Variants in GRID1 observed in about 807,000 individuals in gnomAD.
The protein encoded by GRID1 is glutamate ionotropic receptor delta type subunit 1.
In GRID1, 28 loss-of-function variants were observed where a neutral mutation model predicts 98.0. The observed-to-expected ratio is 0.29, with a 90% confidence interval of 0.21 to 0.39. GRID1 has a LOEUF of 0.39. Ranked by LOEUF, GRID1 falls within the 10% of genes least tolerant of loss-of-function variation. GRID1 has a pLI of 1.00. For missense variants in GRID1, 1,111 were observed against 1,340.5 expected (o/e 0.83, Z 2.67); for synonymous variants, 553 against 538.5 (o/e 1.03, Z -0.37).
At chr10:86,243,663 G>A (rs1846673142) in intron 2 of GRID1, among the ~76,000 whole-genome samples, 1 of 152,128 alleles carries the variant, frequency 6.6e-6, no homozygotes, top group African/African-American at 2.4e-5. Context: ...AAAATAGTCT[G>A]AGTGAGGGAT....
intron 13 of GRID1, among the ~76,000 whole-genome samples, chr10:85,639,966 C>A (rs549349224): frequency 1.3e-5 from 2 of 152,176 alleles, no homozygotes; most frequent in Admixed American, 1.3e-4. Context: ...GTGCTACAAT[C>A]GACACTGGAT....
At chr10:85,858,675 T>C (rs984992697) in intron 6 of GRID1, among the ~76,000 whole-genome samples, 2 of 152,154 alleles carry the variant, frequency 1.3e-5, no homozygotes, top group African/African-American at 2.4e-5. Flanking sequence ...AAGCTGAGAA[T>C]CCTTAACGAT....
intron 3 of GRID1, among the ~76,000 whole-genome samples, chr10:86,172,182 C>T (rs558118830): frequency 6.6e-6 from 1 of 152,296 alleles, no homozygotes; most frequent in African/African-American, 2.4e-5. Flanking sequence ...CCCACCCTAG[C>T]CCCTGGCAGC....
chr10:85,843,946 A>T (rs924088892), intron 8 of GRID1, among the ~76,000 whole-genome samples: 2 of 152,102 alleles, frequency 1.3e-5, no homozygotes, highest in Admixed American at 6.6e-5. Context: ...CATTTATCCC[A>T]GAAAACCTGT....
At chr10:85,692,071 G>T (rs1841339802) in intron 12 of GRID1, among the ~76,000 whole-genome samples, 2 of 152,090 alleles carry the variant, frequency 1.3e-5, no homozygotes, top group Non-Finnish European at 2.9e-5. Flanking sequence ...CTCCATTTAT[G>T]CAGCTTTCTC....
chr10:85,800,175 TAA>T (rs1842562920), intron 8 of GRID1, among the ~76,000 whole-genome samples: 1 of 151,400 alleles, frequency 6.6e-6, no homozygotes, highest in Non-Finnish European at 1.5e-5. Context: ...AAAAAAACTC[TAA>T]AACTCTATTA....
chr10:86,134,641 C>G (rs1301103406), intron 4 of GRID1, among the ~76,000 whole-genome samples: 1 of 152,172 alleles, frequency 6.6e-6, no homozygotes, highest in East Asian at 1.9e-4. Context: ...CCACTCCCTC[C>G]CCTGCACACC....
intron 5 of GRID1, among the ~76,000 whole-genome samples, chr10:85,895,633 G>C (rs1477631591): frequency 1.3e-5 from 2 of 152,170 alleles, no homozygotes; most frequent in African/African-American, 2.4e-5. Context: ...TGTGGTGTGA[G>C]CTGAGGGACA....
intron 2 of GRID1, among the ~76,000 whole-genome samples, chr10:86,338,577 G>A (rs1163818258): frequency 2.6e-5 from 4 of 152,056 alleles, no homozygotes; most frequent in Admixed American, 2.6e-4. Context: ...CCCCAGGGGA[G>A]GGGGGAGTCT....
At chr10:86,301,138 C>T (rs1158712765) in intron 2 of GRID1, among the ~76,000 whole-genome samples, 1 of 152,194 alleles carries the variant, frequency 6.6e-6, no homozygotes, top group African/African-American at 2.4e-5. Flanking sequence ...CACCCACCAG[C>T]CCATGGGAGC....
At chr10:86,341,633 C>CA (rs1848312511) in intron 2 of GRID1, among the ~76,000 whole-genome samples, 2 of 152,164 alleles carry the variant, frequency 1.3e-5, no homozygotes, top group Non-Finnish European at 2.9e-5. Context: ...CACAAAACCA[C>CA]GGACACATTT....
intron 4 of GRID1, among the ~76,000 whole-genome samples, chr10:86,102,440 C>T (rs754850322): frequency 4.6e-5 from 7 of 152,250 alleles, no homozygotes; most frequent in Non-Finnish European, 1.0e-4. Context: ...GAAAGGGTCA[C>T]AGGCCCATTT....
intron 5 of GRID1, among the ~76,000 whole-genome samples, chr10:85,913,233 G>A (rs1035749385): frequency 2.6e-5 from 4 of 152,178 alleles, no homozygotes; most frequent in Non-Finnish European, 5.9e-5. Context: ...ATCAGATACT[G>A]ACTGTGAGTT....
At chr10:85,736,940 A>G (rs1050040945) in intron 8 of GRID1, among the ~76,000 whole-genome samples, 4 of 152,170 alleles carry the variant, frequency 2.6e-5, no homozygotes, top group Non-Finnish European at 4.4e-5. Context: ...GAAGTAAGGT[A>G]TAACTTGAGA....
intron 12 of GRID1, among the ~76,000 whole-genome samples, chr10:85,692,640 C>A (rs530181511): frequency 7.0e-6 from 1 of 143,482 alleles, no homozygotes; most frequent in Admixed American, 7.2e-5. Context: ...GCACTCCAGC[C>A]TGTGCGACAG....
chr10:85,976,120 ATTCTC>A (rs1842469523), intron 4 of GRID1, among the ~76,000 whole-genome samples: 2 of 152,048 alleles, frequency 1.3e-5, no homozygotes, highest in African/African-American at 4.8e-5. Context: ...TCTTTGTACT[ATTCTC>A]TTCTCTTTTT....
At chr10:85,952,647 G>C (rs1453003731) in intron 4 of GRID1, among the ~76,000 whole-genome samples, 1 of 151,950 alleles carries the variant, frequency 6.6e-6, no homozygotes, top group Admixed American at 6.5e-5. Context: ...GGAAAAGAGA[G>C]AAAAAATAAA....
Position 85,632,483 on chromosome 10 carries a change from C to T in GRID1, c.2194-12450G>A, listed in dbSNP as rs541394576. On this transcript the variant is annotated intron_variant, in intron 13 of 15. Transcript: ENST00000327946. ...ATCTGGAGTAGAGTCCAAGAAGGTA[C>T]ATTTCTAACAAGTTCCCACATGATG... is the stretch of plus-strand genomic sequence containing the variant. Among the ~76,000 whole-genome samples the T allele has an allele frequency of 1.7e-3, 253 of 152,306 alleles. 1 individual carries two copies. The highest frequency in any genetic ancestry group is 3.2e-3 in the Non-Finnish European group (216 of 68,040).
chr10:85,833,668 T>C (rs557727934), intron 8 of GRID1, among the ~76,000 whole-genome samples: 2 of 152,340 alleles, frequency 1.3e-5, no homozygotes, highest in African/African-American at 4.8e-5. Flanking sequence ...ATGGATCAGA[T>C]GTTTTAATTA....
Sources: gnomAD v4.1 joint callset for allele counts (sites outside exome capture counted in the v4.1 genomes callset) on GRCh38, gnomAD v4.1.1 for gene constraint, MANE v1.5 for transcripts, NCBI Gene and HGNC (gene_info 2026-07-23, HGNC 2026-07-21) for gene names.